Variants in SPAG17 observed in about 807,000 individuals in gnomAD.
SPAG17 encodes sperm associated antigen 17, also known as sperm-associated antigen 17.
A neutral mutation model predicts 273.6 loss-of-function variants in SPAG17; 169 were observed. That is an observed-to-expected ratio of 0.62 (90% CI 0.55 to 0.70). The LOEUF is 0.70. Among genes scored for constraint, SPAG17 ranks in the 30% least tolerant of loss-of-function variants. The pLI is 0.00. For synonymous variants in SPAG17, 825 were observed against 873.2 expected, an observed-to-expected ratio of 0.94 and a Z score of 0.97; for missense variants, 2,557 against 2,627.8, an observed-to-expected ratio of 0.97 and a Z score of 0.59.
Position 118,015,951 on chromosome 1 carries a change from A to G in SPAG17, c.4287+14T>C. ...GACTTAGAAAATTTTGCAATAAACA[A>G]TAGTTTGTCATACCGTTCCATTGAC... On this transcript the variant is annotated intron_variant, in intron 29 of 48. Coordinates refer to ENST00000336338, the MANE Select transcript of SPAG17 (RefSeq NM_206996.4). The G allele has an allele frequency of 2.5e-6, 4 of 1,612,190 alleles. No individual in the cohort carries two copies. Among genetic ancestry groups the G allele is most frequent in the Non-Finnish European group, 2.5e-6 (3 of 1,178,582 alleles).
In SPAG17 at chr1:118,089,027, A is replaced by G. The variant is rs527313535; in HGVS notation, c.1360-2019T>C. Among the ~76,000 whole-genome samples, 3 of 152,318 alleles carry G rather than the reference A, an allele frequency of 2.0e-5. No homozygotes were observed. In the East Asian group the frequency reaches 5.8e-4, roughly 29 times the overall value. On this transcript the variant is annotated intron_variant, in intron 10 of 48. Transcript: ENST00000336338. ...ACAAGACTACATTGTTACTGCTTGC[A>G]TGGAGTTTATATTCTAGTAGGAGGA...
chr1:118,072,603 A>G (rs768598593), intron 17 of SPAG17, among the ~76,000 whole-genome samples: 4 of 152,234 alleles, frequency 2.6e-5, no homozygotes, highest in Non-Finnish European at 5.9e-5. Context: ...AAACAAATAG[A>G]AAAAGAGGCA....
At chr1:118,112,901 G>C (rs1656860992) in intron 4 of SPAG17, among the ~76,000 whole-genome samples, 1 of 152,042 alleles carries the variant, frequency 6.6e-6, no homozygotes, top group Non-Finnish European at 1.5e-5. Flanking sequence ...TTTCTTCACT[G>C]TATTTGGCAA....
At chr1:118,074,694 T>C in intron 15 of SPAG17, 94 bp from the exon 16 acceptor site, 1 of 1,151,154 alleles carries the variant, frequency 8.7e-7, no homozygotes, top group East Asian at 2.3e-5. Flanking sequence ...ATATGATCTA[T>C]GTTTCTGTGC....
rs765768563 is a variant in SPAG17, at chr1:118,023,280, A to G, written c.4069+24T>C. On this transcript the variant is annotated intron_variant, in intron 28 of 48. Transcript: ENST00000336338. The stretch of plus-strand genomic sequence containing the variant: ...TTGAAGGCTTTACTAAATCCATAAT[A>G]AACTGAGAGGCTTCAATTGTTACCT... The G allele has an allele frequency of 2.5e-6, 4 of 1,593,348 alleles. No individual in the cohort carries two copies. The African/African-American group carries it at 5.4e-5, about 21-fold the overall frequency.
Position 118,076,312 on chromosome 1 carries a change from T to C in SPAG17, c.2210-1712A>G, listed in dbSNP as rs539031147. 14 of 152,276 alleles carry C rather than the reference T, an allele frequency of 9.2e-5. No homozygotes were observed. The East Asian group carries it at 2.7e-3, about 29-fold the overall frequency. 9.4% of individuals were successfully genotyped at this position (152,276 alleles called of 1,614,324 possible). ...AAGGACAGGCCAGTGTTTTTCTTTCTTTCAGGAGCACAGCTACTTACATTT... is the reference window on the plus strand; with the variant it reads ...AAGGACAGGCCAGTGTTTTTCTTTCCTTCAGGAGCACAGCTACTTACATTT... On this transcript the variant is annotated intron_variant, in intron 15 of 48. Transcript: ENST00000336338.
rs377736098 is a variant in SPAG17, at chr1:118,073,891, C to T, written c.2348G>A (p.Ser783Asn). The T allele has an allele frequency of 2.4e-5, 38 of 1,580,486 alleles. No individual in the cohort carries two copies. Among genetic ancestry groups the T allele is most frequent in the African/African-American group, 4.2e-5 (3 of 72,078 alleles). Residue 783 changes from serine (S) to asparagine (N), a missense_variant, in exon 17 of 49, where the codon AGT (serine) becomes AAT (asparagine). Coordinates refer to ENST00000336338, the MANE Select transcript of SPAG17 (RefSeq NM_206996.4). ...KTQQRSLMDW[S>N]FTEHFKPKVL... is the part of the protein sequence containing the mutation. ...TTTCGGTTTAAAATGTTCAGTAAAA[C>T]TCCAGTCCATTAGACTGCGCTGCTG... is the stretch of plus-strand genomic sequence containing the variant.
chr1:117,980,169 G>A (rs148457252), intron 43 of SPAG17, among the ~76,000 whole-genome samples: 121 of 152,244 alleles, frequency 7.9e-4, no homozygotes, highest in African/African-American at 2.8e-3. Flanking sequence ...AAAACTTGTA[G>A]GAGAGAAGTT....
At chr1:118,161,507 T>C (rs1659909132) in intron 1 of SPAG17, among the ~76,000 whole-genome samples, 1 of 152,152 alleles carries the variant, frequency 6.6e-6, no homozygotes, top group Non-Finnish European at 1.5e-5. Context: ...TAGAGTTTCA[T>C]GCAATTATCA....
In SPAG17 at chr1:117,964,069, A is replaced by G. The variant is rs139240866; in HGVS notation, c.6533-131T>C. On this transcript the variant is annotated intron_variant, in intron 47 of 48. Transcript: ENST00000336338. ...TCAATTTTAGGTAACTGTCTATCCA[A>G]TGCAAATTCTGCATGCTCAGGCTTG... 606 of 1,019,062 alleles carry G rather than the reference A, an allele frequency of 5.9e-4. 3 individuals are homozygous for G. The African/African-American group carries it at 8.6e-3, about 14-fold the overall frequency. The allele number at this position is 1,019,062 out of a possible 1,614,324, so 63.1% of individuals were successfully genotyped here. A position where few individuals can be genotyped will look rare whatever the true frequency, so the allele number is the denominator to read the frequency against.
intron 1 of SPAG17, among the ~76,000 whole-genome samples, chr1:118,169,094 G>T (rs547810672): frequency 6.6e-6 from 1 of 152,250 alleles, no homozygotes; most frequent in South Asian, 2.1e-4. Flanking sequence ...TTCCTAGGAT[G>T]TTGCCAAACT....
chr1:118,135,810 A>G (rs2102309130), intron 3 of SPAG17, among the ~76,000 whole-genome samples: 1 of 152,332 alleles, frequency 6.6e-6, no homozygotes, highest in South Asian at 2.1e-4. Flanking sequence ...CTACTACTGG[A>G]AAAAGCTTCC....
chr1:118,069,344 C>CAA (rs563980015), intron 17 of SPAG17, among the ~76,000 whole-genome samples: 8 of 86,172 alleles, frequency 9.3e-5, no homozygotes, highest in Non-Finnish European at 1.1e-4. Flanking sequence ...GACTCCGTCT[C>CAA]AAAAAAAAAA....
intron 4 of SPAG17, among the ~76,000 whole-genome samples, chr1:118,111,553 A>AC (rs6143395): frequency 7.4e-6 from 1 of 135,858 alleles, no homozygotes; most frequent in African/African-American, 2.8e-5. Context: ...CTTTTAAAAC[A>AC]ACACACACAC....
intron 48 of SPAG17, chr1:117,959,106 A>G: frequency 7.7e-7 from 1 of 1,303,276 alleles, no homozygotes; most frequent in Non-Finnish European, 1.1e-6. Context: ...CCCACCACCG[A>G]TAAATCCATA....
rs55873088 is a variant in SPAG17, at chr1:118,009,248, A to AACACACACACAC, written c.4433-1062_4433-1051dup. Reference sequence around the variant, plus strand: ...AAGAGTGTAGACTTTAGGTGCTCATAACACACACACACACACACACACACA... The same window carrying AACACACACACAC: ...AAGAGTGTAGACTTTAGGTGCTCATAACACACACACACACACACACACACACACACACACACA... On this transcript the variant is annotated intron_variant, in intron 30 of 48. Coordinates refer to ENST00000336338, the MANE Select transcript of SPAG17 (RefSeq NM_206996.4). Among the ~76,000 whole-genome samples the AACACACACACAC allele has an allele frequency of 8.4e-5, 12 of 142,694 alleles. 1 individual carries two copies. Among genetic ancestry groups the AACACACACACAC allele is most frequent in the Admixed American group, 2.8e-4 (4 of 14,192 alleles). 93.6% of individuals were successfully genotyped at this position (142,694 alleles called of 152,430 possible).
chr1:118,100,658 C>T (rs1222616250), intron 5 of SPAG17, among the ~76,000 whole-genome samples: 1 of 152,120 alleles, frequency 6.6e-6, no homozygotes, highest in Admixed American at 6.5e-5. Context: ...TCCAAGTCTA[C>T]TGGATTTAGA....
intron 38 of SPAG17, 84 bp from the exon 39 acceptor site, chr1:117,988,288 G>T: frequency 1.0e-6 from 1 of 961,668 alleles, no homozygotes; most frequent in Non-Finnish European, 1.5e-6. Context: ...CATTTGAGAT[G>T]CCTGTTAAGA....
chr1:118,055,920 CA>C lies in SPAG17; in HGVS notation c.2541-7del. 6.3e-7 allele frequency: 1 copy of C among 1,599,816 alleles called. No individual in the cohort carries two copies. Among genetic ancestry groups the C allele is most frequent in the Non-Finnish European group, 8.5e-7 (1 of 1,174,738 alleles). Reference sequence around the variant, plus strand: ...CAACAAGTTCCAAATAATTCCTAAACAAACCAATAGCAGACGTCAATTGAGT... The same window carrying C: ...CAACAAGTTCCAAATAATTCCTAAACAACCAATAGCAGACGTCAATTGAGT... On this transcript the variant is annotated splice_polypyrimidine_tract_variant and splice_region_variant and intron_variant, in intron 18 of 48. Transcript: ENST00000336338.
Sources: gnomAD v4.1 joint callset for allele counts (sites outside exome capture counted in the v4.1 genomes callset) on GRCh38, gnomAD v4.1.1 for gene constraint, MANE v1.5 for transcripts, NCBI Gene and HGNC (gene_info 2026-07-23, HGNC 2026-07-21) for gene names.